The following CREB5 variants were observed in gnomAD, a reference collection of about 807,000 sequenced individuals.
The protein encoded by CREB5 is cyclic AMP-responsive element-binding protein 5.
CREB5 carries 19 observed loss-of-function variants against 57.1 expected under a neutral mutation model. That is an observed-to-expected ratio of 0.33 (90% CI 0.23 to 0.49). The LOEUF is 0.49. CREB5 is among the 20% of genes least tolerant of loss of function. The probability of loss-of-function intolerance (pLI) is 0.99; values close to 1 mark genes in which losing one functional copy is unlikely to be tolerated. For missense variants in CREB5, 579 were observed against 671.6 expected (o/e 0.86, Z 1.52); for synonymous variants, 238 against 238.3 (o/e 1.00, Z 0.01).
chr7:28,623,438 T>C (rs1357552616), intron 5 of CREB5, among the ~76,000 whole-genome samples: 1 of 152,216 alleles, frequency 6.6e-6, no homozygotes, highest in Non-Finnish European at 1.5e-5. Flanking sequence ...AACTGCATGA[T>C]CTGAAATGCC....
intron 7 of CREB5, among the ~76,000 whole-genome samples, chr7:28,794,865 C>T (rs749175143): frequency 1.3e-5 from 2 of 152,242 alleles, no homozygotes; most frequent in African/African-American, 4.8e-5. Flanking sequence ...AATCATCAAA[C>T]GTGCCAAGAT....
At chr7:28,818,696 T>C (rs1809581614) in intron 10 of CREB5, 1 of 455,716 alleles carries the variant, frequency 2.2e-6, no homozygotes, top group Non-Finnish European at 4.4e-6. Flanking sequence ...GATAGTTGAG[T>C]AGGGATGGTG....
At chr7:28,341,417 TA>T (rs1785934534) in intron 1 of CREB5, among the ~76,000 whole-genome samples, 1 of 152,212 alleles carries the variant, frequency 6.6e-6, no homozygotes, top group Non-Finnish European at 1.5e-5. Context: ...AGGTATTTTA[TA>T]TTTTTGTCTA....
chr7:28,685,870 G>A lies in CREB5; in HGVS notation c.465-32883G>A, dbSNP rs576538239. 1.1e-4 allele frequency: 41 copies of A among 363,638 alleles called. 1 individual carries two copies. The highest frequency in any genetic ancestry group is 8.0e-4 in the African/African-American group (38 of 47,550). The allele number at this position is 363,638 out of a possible 1,614,324, so 22.5% of individuals were successfully genotyped here. ...TCTCCGAGCCTGGAACTCAGCCTGG[G>A]GCTGTTTTGGTTACATTGAAGTTTT... On this transcript the variant is annotated intron_variant, in intron 5 of 10. Transcript: ENST00000357727.
At chr7:28,771,087 G>A (rs1159618263) in intron 7 of CREB5, among the ~76,000 whole-genome samples, 1 of 152,138 alleles carries the variant, frequency 6.6e-6, no homozygotes, top group Non-Finnish European at 1.5e-5. Context: ...TTTTAAGTAT[G>A]AAATAGTGGT....
At chr7:28,686,165 A>G (rs201968889) in intron 5 of CREB5, 15 of 1,613,812 alleles carry the variant, frequency 9.3e-6, no homozygotes, top group East Asian at 2.2e-5. Context: ...TCTGCACCTC[A>G]GGAGGGAATT....
At chr7:28,670,788 A>G (rs1193516423) in intron 5 of CREB5, among the ~76,000 whole-genome samples, 3 of 152,178 alleles carry the variant, frequency 2.0e-5, no homozygotes, top group Admixed American at 2.0e-4. Flanking sequence ...TTCTTTCCAC[A>G]ACTCTGTAGT....
intron 1 of CREB5, among the ~76,000 whole-genome samples, chr7:28,333,407 A>T (rs1335700371): frequency 1.3e-5 from 2 of 152,204 alleles, no homozygotes; most frequent in Non-Finnish European, 2.9e-5. Context: ...CAATCCGATT[A>T]TACTCTTTCA....
rs188800428 is a variant in CREB5, at chr7:28,582,914, A to T, written c.464+12377A>T. On this transcript the variant is annotated intron_variant, in intron 5 of 10. Transcript: ENST00000357727. The stretch of plus-strand genomic sequence containing the variant: ...ATAACTGATGGTTTTTTTAAAATTA[A>T]ATAAGTAAATAGCAGGCAGATCCCA... Among the ~76,000 whole-genome samples, 46 of 152,300 alleles carry T rather than the reference A, an allele frequency of 3.0e-4. 2 individuals carry two copies. Among genetic ancestry groups the T allele is most frequent in the African/African-American group, 1.0e-3 (43 of 41,556 alleles).
intron 1 of CREB5, among the ~76,000 whole-genome samples, chr7:28,315,070 T>C (rs1785351416): frequency 1.3e-5 from 2 of 152,208 alleles, no homozygotes; most frequent in Admixed American, 6.5e-5. Context: ...TATCTTATCT[T>C]ATCCTTGGTG....
At chr7:28,634,732 T>A (rs1330266688) in intron 5 of CREB5, among the ~76,000 whole-genome samples, 1 of 152,232 alleles carries the variant, frequency 6.6e-6, no homozygotes, top group Non-Finnish European at 1.5e-5. Flanking sequence ...AGTTCTGCCT[T>A]CTTCCCTTAC....
In CREB5 at chr7:28,494,012, A is replaced by G. The variant is rs78651074; in HGVS notation, c.76-894A>G. Among the ~76,000 whole-genome samples the G allele has an allele frequency of 3.8e-3, 575 of 152,326 alleles. 7 individuals are homozygous for G. The highest frequency in any genetic ancestry group is 0.013 in the African/African-American group (548 of 41,568). ...TAGGCATGGCATGTAATTCTTTCCC[A>G]AAGTCTGACTTGAATCACGATTCTC... On this transcript the variant is annotated intron_variant, in intron 2 of 10. Coordinates refer to ENST00000357727, the MANE Select transcript of CREB5 (RefSeq NM_182898.4).
At chr7:28,548,529 G>A (rs1468026236) in intron 4 of CREB5, among the ~76,000 whole-genome samples, 1 of 152,178 alleles carries the variant, frequency 6.6e-6, no homozygotes, top group East Asian at 1.9e-4. Context: ...CATTGATGGG[G>A]CCAAACGAAT....
At chr7:28,514,447 G>C (rs1328945218) in intron 4 of CREB5, among the ~76,000 whole-genome samples, 1 of 152,144 alleles carries the variant, frequency 6.6e-6, no homozygotes, top group African/African-American at 2.4e-5. Context: ...CCAGGCTGGA[G>C]TGCAGTGGCG....
At chr7:28,427,846 C>G (rs565249310) in intron 1 of CREB5, among the ~76,000 whole-genome samples, 2 of 152,120 alleles carry the variant, frequency 1.3e-5, no homozygotes, top group Non-Finnish European at 2.9e-5. Flanking sequence ...ATGTGATAAC[C>G]CAGCCAAGTG....
chr7:28,541,617 A>G (rs1794214668), intron 4 of CREB5, among the ~76,000 whole-genome samples: 1 of 152,242 alleles, frequency 6.6e-6, no homozygotes, highest in African/African-American at 2.4e-5. Flanking sequence ...CAGTGAGCCA[A>G]GATCACACCA....
At chr7:28,587,181 A>T (rs1011276705) in intron 5 of CREB5, among the ~76,000 whole-genome samples, 3 of 152,262 alleles carry the variant, frequency 2.0e-5, no homozygotes, top group Non-Finnish European at 4.4e-5. Flanking sequence ...GTACAACAAG[A>T]TTAAAAGCAA....
At chr7:28,628,269 A>G (rs1226412663) in intron 5 of CREB5, among the ~76,000 whole-genome samples, 1 of 151,966 alleles carries the variant, frequency 6.6e-6, no homozygotes. Context: ...CACAAATGAT[A>G]AGACTGAGCA....
intron 1 of CREB5, chr7:28,435,801 C>A: frequency 2.9e-6 from 1 of 349,828 alleles, no homozygotes. Flanking sequence ...TCTGCCATTG[C>A]TCACTTGTTC....
Sources: gnomAD v4.1 joint callset for allele counts (sites outside exome capture counted in the v4.1 genomes callset) on GRCh38, gnomAD v4.1.1 for gene constraint, MANE v1.5 for transcripts, NCBI Gene and HGNC (gene_info 2026-07-23, HGNC 2026-07-21) for gene names.